The following INPPL1 variants were observed in gnomAD, a reference collection of about 807,000 sequenced individuals.
The protein encoded by INPPL1 is phosphatidylinositol 3,4,5-trisphosphate 5-phosphatase 2.
In INPPL1, 91 loss-of-function variants were observed where a neutral mutation model predicts 139.3. The observed-to-expected ratio is 0.65, with a 90% CI of 0.55 to 0.78. The LOEUF is 0.78. Ranked by LOEUF, INPPL1 falls within the 30% of genes least tolerant of loss-of-function variation. INPPL1 has a pLI of 0.00. For missense variants in INPPL1, 1,411 were observed against 1,665.6 expected (o/e 0.85, Z 2.66); for synonymous variants, 719 against 686.6 (o/e 1.05, Z -0.74).
In INPPL1 at chr11:72,238,573, G is replaced by T; in HGVS notation, c.*220G>T. 2.4e-6 allele frequency: 1 copy of T among 418,600 alleles called. No homozygotes were observed. Among genetic ancestry groups the T allele is most frequent in the Non-Finnish European group, 4.2e-6 (1 of 238,410 alleles). 25.9% of individuals were successfully genotyped at this position (418,600 alleles called of 1,614,324 possible). On this transcript the variant is annotated 3_prime_UTR_variant, in exon 28 of 28. Coordinates refer to ENST00000298229, the MANE Select transcript of INPPL1 (RefSeq NM_001567.4). ...TCGCCTTTTAGGCTCAGGACGGAAG[G>T]TCAGTTGCCATGGTTACCGAGGACC...
chr11:72,230,700 C>T, intron 10 of INPPL1, 96 bp from the exon 11 acceptor site: 1 of 1,034,778 alleles, frequency 9.7e-7, no homozygotes, highest in Non-Finnish European at 1.5e-6. Context: ...CAGACAGACC[C>T]TCTCCTCATG....
chr11:72,233,658 G>T lies in INPPL1; in HGVS notation c.2126G>T (p.Cys709Phe). Reference sequence around the variant, plus strand: ...CATTCCTATCCCCTCTCCCCAGGTTGCACTGATGACATCGTCACCAGCGAC... The same window carrying T: ...CATTCCTATCCCCTCTCCCCAGGTTTCACTGATGACATCGTCACCAGCGAC... ...ETHIICNSYG[C>F]TDDIVTSDHS... The change falls in exon 19 of 28, where the codon TGC (cysteine) becomes TTC (phenylalanine). Residue 709 changes from cysteine (C) to phenylalanine (F), a missense_variant. By Grantham distance (205) the Cys-to-Phe change is radical. Around this residue, in one of 5 missense-constraint regions of INPPL1, gnomAD observed 363 missense variants for 446.2 expected, o/e 0.81. Transcript: ENST00000298229. The T allele has an allele frequency of 6.2e-7, 1 of 1,614,008 alleles. No individual in the cohort carries two copies. The highest frequency in any genetic ancestry group is 2.2e-5 in the East Asian group (1 of 44,878).
Position 72,224,971 on chromosome 11 carries a change from G to A in INPPL1, c.-14G>A. 5 of 1,137,596 alleles carry A rather than the reference G, an allele frequency of 4.4e-6. No homozygotes were observed. The highest frequency in any genetic ancestry group is 5.4e-6 in the Non-Finnish European group (5 of 928,090). The allele number at this position is 1,137,596 out of a possible 1,614,324, so 70.5% of individuals were successfully genotyped here. On this transcript the variant is annotated 5_prime_UTR_variant, in exon 1 of 28. Transcript: ENST00000298229. ...GGGCGGCGGGGGCGGGCGGTGCTGA[G>A]CCCTGCGCGGGCCATGGCCTCGGCC...
In INPPL1 at chr11:72,228,765, G is replaced by A. The variant is rs141059764; in HGVS notation, c.436G>A (p.Gly146Ser). 9 of 1,611,910 alleles carry A rather than the reference G, an allele frequency of 5.6e-6. No homozygotes were observed. The African/African-American group carries it at 1.2e-4, about 22-fold the overall frequency. ...GAAGCCCCCGCTGCCCCCGCGCTCT[G>A]GCTCCACCAGCATTTCTGCCCCCAC... ...DEKPPLPPRS[G>S]STSISAPTGP... The change falls in exon 4 of 28, where the codon GGC becomes AGC. Residue 146 changes from glycine to serine, a missense_variant. Gly to Ser is a moderately conservative substitution (Grantham distance 56, BLOSUM62 0). Transcript: ENST00000298229. The surrounding 1 kb of genome is among the most constrained non-coding windows in gnomAD (Gnocchi z 5.0).
chr11:72,232,878 A>T lies in INPPL1; in HGVS notation c.1855A>T (p.Ile619Phe). 1.9e-6 allele frequency: 3 copies of T among 1,613,918 alleles called. No individual in the cohort carries two copies. Among genetic ancestry groups the T allele is most frequent in the Non-Finnish European group, 2.5e-6 (3 of 1,179,956 alleles). ...NYRLDMDIQEILNYISRKEFE... is the reference protein window; with the variant it reads ...NYRLDMDIQEFLNYISRKEFE... ...GCCTTTGTGTCCTCCACCCCAGGAG[A>T]TCCTGAACTACATCAGCAGGAAAGA... The change falls in exon 16 of 28, where the codon ATC (isoleucine) becomes TTC (phenylalanine). Residue 619 changes from isoleucine to phenylalanine, a missense_variant. Coordinates refer to ENST00000298229, the MANE Select transcript of INPPL1 (RefSeq NM_001567.4).
rs1265863031 is a variant in INPPL1 at position 72,228,244 on chromosome 11, G to A, written c.237G>A (p.Leu79=). ...YRILPDGEDF[L]AVQTSQGVPV... is the part of the protein sequence containing the mutation. ...TTCTGCCTGATGGAGAAGATTTCTTGGCTGTGCAGGTAGGAGCTTGGGCCC... is the reference window on the plus strand; with the variant it reads ...TTCTGCCTGATGGAGAAGATTTCTTAGCTGTGCAGGTAGGAGCTTGGGCCC... The change falls in exon 2 of 28, where the codon TTG becomes TTA. Residue 79 remains leucine, a synonymous_variant. Coordinates refer to ENST00000298229, the MANE Select transcript of INPPL1 (RefSeq NM_001567.4). The surrounding 1 kb of genome is among the most constrained non-coding windows in gnomAD (Gnocchi z 5.0). 1 of 1,614,004 alleles carries A rather than the reference G, an allele frequency of 6.2e-7. No homozygotes were observed. Among genetic ancestry groups the A allele is most frequent in the Non-Finnish European group, 8.5e-7 (1 of 1,179,994 alleles).
At chr11:72,226,912 T>A (rs1359173625) in intron 1 of INPPL1, among the ~76,000 whole-genome samples, 1 of 152,040 alleles carries the variant, frequency 6.6e-6, no homozygotes, top group African/African-American at 2.4e-5. Context: ...CCTGGCCTCA[T>A]TGCCAAGGGA....
At position 72,228,567 on chromosome 11, in the gene INPPL1, C is replaced by G. The variant is rs748448649; in HGVS notation, c.397+69C>G. 5.1e-6 allele frequency: 8 copies of G among 1,573,790 alleles called. No homozygotes were observed. The East Asian group carries it at 9.0e-5, about 18-fold the overall frequency. On this transcript the variant is annotated intron_variant, in intron 3 of 27. Transcript: ENST00000298229. This position sits in a 1 kb window ranked among gnomAD's most constrained non-coding sequence, Gnocchi z 5.0. ...GCTCTACCTGCCTCTTCCCATCCCCCCTTCTCAACCCCACCTCTCCTGTAA... is the reference window on the plus strand; with the variant it reads ...GCTCTACCTGCCTCTTCCCATCCCCGCTTCTCAACCCCACCTCTCCTGTAA...
rs369390646 is a variant in INPPL1, at chr11:72,228,176, T to C, written c.183-14T>C. On this transcript the variant is annotated splice_polypyrimidine_tract_variant and intron_variant, in intron 1 of 27. Coordinates refer to ENST00000298229, the MANE Select transcript of INPPL1 (RefSeq NM_001567.4). This position sits in a 1 kb window ranked among gnomAD's most constrained non-coding sequence, Gnocchi z 5.0. ...GCCTGGGGGTGACAGATTCTGGCCC[T>C]GCCTTGGCATCAGGTATCAGAAGCA... 2.0e-5 allele frequency: 33 copies of C among 1,613,960 alleles called. No homozygotes were observed. The highest frequency in any genetic ancestry group is 2.7e-5 in the Non-Finnish European group (32 of 1,179,956).
At chr11:72,224,332 G>C (rs1023148087), upstream of INPPL1, among the ~76,000 whole-genome samples, 3 of 151,770 alleles carry the variant, frequency 2.0e-5, no homozygotes, top group Admixed American at 6.6e-5. Flanking sequence ...GGAGGGAAGA[G>C]GATGGGTAGG....
At position 72,230,308 on chromosome 11, in the gene INPPL1, C is replaced by T. The variant is rs544311341; in HGVS notation, c.1090+37C>T. 1.4e-5 allele frequency: 22 copies of T among 1,611,600 alleles called. No homozygotes were observed. The Middle Eastern group carries it at 5.1e-4, about 38-fold the overall frequency. Reference sequence around the variant, plus strand: ...CCAGACCTGGGAGGGGTGGGCAGGGCGGAGCCCCTGGCCTAGGGGCACAGG... The same window carrying T: ...CCAGACCTGGGAGGGGTGGGCAGGGTGGAGCCCCTGGCCTAGGGGCACAGG... On this transcript the variant is annotated intron_variant, in intron 9 of 27. Coordinates refer to ENST00000298229, the MANE Select transcript of INPPL1 (RefSeq NM_001567.4).
In INPPL1 at chr11:72,233,726, C is replaced by T. The variant is rs943331644; in HGVS notation, c.2194C>T (p.Gln732Ter). Residue 732 changes from glutamine (Q) to a stop codon, truncating the protein, a stop_gained, in exon 19 of 28, where the codon CAG becomes TAG. Transcript: ENST00000298229. LOFTEE classifies it high-confidence loss of function. ...GACATTTGAGGTTGGAGTTACCTCC[C>T]AGTTCATCTCCAAGAAAGGTGACTG... ...FGTFEVGVTS[Q>*]FISKKGLSKT... 6.2e-7 allele frequency: 1 copy of T among 1,613,960 alleles called. No individual in the cohort carries two copies. The highest frequency in any genetic ancestry group is 1.1e-5 in the South Asian group (1 of 91,070).
Position 72,232,893 on chromosome 11 carries a change from A to T in INPPL1, c.1870A>T (p.Ser624Cys). The T allele has an allele frequency of 6.2e-7, 1 of 1,614,100 alleles. No homozygotes were observed. Among genetic ancestry groups the T allele is most frequent in the Non-Finnish European group, 8.5e-7 (1 of 1,180,014 alleles). The change falls in exon 16 of 28, where the codon AGC becomes TGC. Residue 624 changes from serine (S) to cysteine (C), a missense_variant. Coordinates refer to ENST00000298229, the MANE Select transcript of INPPL1 (RefSeq NM_001567.4). ...ACCCCAGGAGATCCTGAACTACATC[A>T]GCAGGAAAGAGTTTGAGCCCCTCCT... ...MDIQEILNYISRKEFEPLLRV... is the reference protein window; with the variant it reads ...MDIQEILNYICRKEFEPLLRV...
chr11:72,226,174 G>T (rs1010627177), intron 1 of INPPL1, among the ~76,000 whole-genome samples: 2 of 146,438 alleles, frequency 1.4e-5, no homozygotes, highest in South Asian at 4.4e-4. Flanking sequence ...GACCAGGGGA[G>T]ACCTTTTTTT....
intron 1 of INPPL1, chr11:72,225,681 G>C (rs1948651014): frequency 8.6e-6 from 2 of 233,892 alleles, no homozygotes; most frequent in East Asian, 3.6e-4. Flanking sequence ...GTGGTGTAGA[G>C]AGGAAGGCTT....
chr11:72,233,590 T>C (rs1012596615), intron 18 of INPPL1, 65 bp from the exon 19 acceptor site: 1 of 1,605,108 alleles, frequency 6.2e-7, no homozygotes, highest in Non-Finnish European at 8.5e-7. Flanking sequence ...GCCCTAACCT[T>C]GGGAGGTGGG....
intron 14 of INPPL1, 121 bp downstream of exon 14, chr11:72,232,457 T>C: frequency 8.2e-7 from 1 of 1,215,674 alleles, no homozygotes; most frequent in Non-Finnish European, 1.2e-6. Context: ...CCCCCTGCTC[T>C]CTTATCCCAA....
At position 72,234,539 on chromosome 11, in the gene INPPL1, G is replaced by A; in HGVS notation, c.2339G>A (p.Ser780Asn). ...YSTCLEEYKK[S>N]FENDAQSSDN... ...ACCCCCACCCCAGAATACAAGAAGA[G>A]CTTTGAGAATGATGCCCAGAGCAGT... The change falls in exon 21 of 28, where the codon AGC becomes AAC. Residue 780 changes from serine (S) to asparagine (N), a missense_variant. Ser to Asn is a conservative substitution (Grantham distance 46). Transcript: ENST00000298229. The surrounding 1 kb of genome is among the most constrained non-coding windows in gnomAD (Gnocchi z 4.2). 1 of 1,578,044 alleles carries A rather than the reference G, an allele frequency of 6.3e-7. No homozygotes were observed. Among genetic ancestry groups the A allele is most frequent in the South Asian group, 1.1e-5 (1 of 90,340 alleles).
At chr11:72,225,926 C>G (rs1404030075) in intron 1 of INPPL1, among the ~76,000 whole-genome samples, 1 of 152,138 alleles carries the variant, frequency 6.6e-6, no homozygotes, top group Admixed American at 6.5e-5. Context: ...AGTTAGCACT[C>G]TTGGTTTTGC....
Sources: gnomAD v4.1 joint callset for allele counts (sites outside exome capture counted in the v4.1 genomes callset) on GRCh38, gnomAD v4.1.1 for gene constraint, gnomAD v4.1.1 regional missense constraint, Gnocchi (gnomAD v3.1) non-coding constraint, MANE v1.5 for transcripts, NCBI Gene and HGNC (gene_info 2026-07-23, HGNC 2026-07-21) for gene names.